Variants in L3MBTL4 observed in about 807,000 individuals in gnomAD.
The protein encoded by L3MBTL4 is lethal(3)malignant brain tumor-like protein 4.
In L3MBTL4, 70 loss-of-function variants were observed where a neutral mutation model predicts 84.5. That is an observed-to-expected ratio of 0.83 (90% confidence interval 0.68 to 1.01). The LOEUF is 1.01. Ranked by LOEUF, L3MBTL4 falls within the 50% of genes least tolerant of loss-of-function variation. L3MBTL4 has a pLI of 0.00. For missense variants in L3MBTL4, 715 were observed against 754.8 expected (o/e 0.95, Z 0.62); for synonymous variants, 274 against 259.8 (o/e 1.05, Z -0.52).
At chr18:6,153,543 T>C (rs1425149819) in intron 13 of L3MBTL4, among the ~76,000 whole-genome samples, 1 of 152,196 alleles carries the variant, frequency 6.6e-6, no homozygotes, top group Admixed American at 6.5e-5. Flanking sequence ...TATATTGATT[T>C]TGTATCCTGC....
chr18:6,410,079 A>C (rs2055902379), intron 1 of L3MBTL4, among the ~76,000 whole-genome samples: 1 of 152,064 alleles, frequency 6.6e-6, no homozygotes, highest in Non-Finnish European at 1.5e-5. Context: ...CATCCTAACC[A>C]GTCTAAATAA....
intron 10 of L3MBTL4, among the ~76,000 whole-genome samples, chr18:6,226,672 TATA>T (rs746281009): frequency 7.2e-5 from 11 of 152,144 alleles, no homozygotes; most frequent in Non-Finnish European, 1.6e-4. Flanking sequence ...GGAAAAGTGA[TATA>T]ATAAAGTAGA....
intron 14 of L3MBTL4, among the ~76,000 whole-genome samples, chr18:6,136,235 C>A (rs1374701181): frequency 1.3e-5 from 2 of 152,122 alleles, no homozygotes; most frequent in Non-Finnish European, 2.9e-5. Context: ...AGGATACAGC[C>A]AAACCATATC....
intron 16 of L3MBTL4, among the ~76,000 whole-genome samples, chr18:6,015,115 G>A (rs1471444517): frequency 1.3e-5 from 2 of 152,072 alleles, no homozygotes; most frequent in Admixed American, 1.3e-4. Flanking sequence ...TTGTGAGTTA[G>A]GAGCTCAGGA....
chr18:6,178,289 C>A (rs1444874414), intron 12 of L3MBTL4, among the ~76,000 whole-genome samples: 1 of 152,110 alleles, frequency 6.6e-6, no homozygotes, highest in Non-Finnish European at 1.5e-5. Flanking sequence ...CTCCCCTCCC[C>A]AACAAGGGCT....
At chr18:6,214,105 A>C (rs777883042) in intron 11 of L3MBTL4, among the ~76,000 whole-genome samples, 5 of 152,258 alleles carry the variant, frequency 3.3e-5, no homozygotes, top group Non-Finnish European at 5.9e-5. Context: ...TTTTAAAAGC[A>C]TACTATGATG....
intron 13 of L3MBTL4, among the ~76,000 whole-genome samples, chr18:6,154,677 C>T (rs1460890329): frequency 6.6e-6 from 1 of 152,154 alleles, no homozygotes; most frequent in African/African-American, 2.4e-5. Context: ...CTGTACAGTT[C>T]AGTGATGGAG....
intron 16 of L3MBTL4, among the ~76,000 whole-genome samples, chr18:6,076,814 C>G (rs539085931): frequency 7.2e-5 from 11 of 151,984 alleles, no homozygotes; most frequent in African/African-American, 2.4e-4. Flanking sequence ...AGGTTTGGGA[C>G]CAAAAGAATA....
chr18:6,023,176 G>T (rs1447178272), intron 16 of L3MBTL4, among the ~76,000 whole-genome samples: 1 of 152,176 alleles, frequency 6.6e-6, no homozygotes, highest in Non-Finnish European at 1.5e-5. Context: ...GAGTTTAAAA[G>T]AAATCATTTA....
chr18:6,314,274 A>G (rs2050983865), intron 1 of L3MBTL4, among the ~76,000 whole-genome samples: 1 of 152,244 alleles, frequency 6.6e-6, no homozygotes, highest in African/African-American at 2.4e-5. Context: ...TACTCCCAGG[A>G]AGCCCCAAAT....
intron 16 of L3MBTL4, among the ~76,000 whole-genome samples, chr18:5,974,833 A>G (rs1229450847): frequency 6.6e-6 from 1 of 152,078 alleles, no homozygotes; most frequent in Non-Finnish European, 1.5e-5. Flanking sequence ...GCATGGTGAC[A>G]TGCACCTGTA....
chr18:6,070,447 C>G (rs1237304517), intron 16 of L3MBTL4, among the ~76,000 whole-genome samples: 1 of 151,144 alleles, frequency 6.6e-6, no homozygotes, highest in South Asian at 2.1e-4. Flanking sequence ...ATTCTATAAC[C>G]TGTAAAAATA....
chr18:6,109,031 T>C (rs1457886151), intron 14 of L3MBTL4, among the ~76,000 whole-genome samples: 2 of 152,180 alleles, frequency 1.3e-5, no homozygotes, highest in African/African-American at 4.8e-5. Flanking sequence ...ATGGCTGAAT[T>C]GAGACTTTCA....
At chr18:6,384,306 C>A (rs1473878733) in intron 1 of L3MBTL4, among the ~76,000 whole-genome samples, 1 of 152,042 alleles carries the variant, frequency 6.6e-6, no homozygotes, top group Non-Finnish European at 1.5e-5. Context: ...CACACACAAA[C>A]CATACATACA....
intron 16 of L3MBTL4, among the ~76,000 whole-genome samples, chr18:5,996,537 G>A (rs1228672575): frequency 6.6e-6 from 1 of 152,210 alleles, no homozygotes; most frequent in Admixed American, 6.5e-5. Context: ...TCTAGCAGCT[G>A]TGGCTATGGT....
intron 16 of L3MBTL4, among the ~76,000 whole-genome samples, chr18:5,986,707 G>A (rs567171440): frequency 6.6e-6 from 1 of 152,318 alleles, no homozygotes; most frequent in South Asian, 2.1e-4. Flanking sequence ...GGTTGGAACC[G>A]ATGCCAGTGA....
chr18:6,012,502 T>C (rs148323137), intron 16 of L3MBTL4, among the ~76,000 whole-genome samples: 367 of 152,250 alleles, frequency 2.4e-3, no homozygotes, highest in Middle Eastern at 0.014. Context: ...TTAGTGGTGA[T>C]GGCATGCCCT....
chr18:6,042,979 C>G (rs1413764847), intron 16 of L3MBTL4, among the ~76,000 whole-genome samples: 1 of 152,110 alleles, frequency 6.6e-6, no homozygotes, highest in East Asian at 1.9e-4. Context: ...CTCCAAATCC[C>G]AAACCTAATC....
chr18:6,335,570 T>C (rs2052290769), intron 1 of L3MBTL4, among the ~76,000 whole-genome samples: 1 of 152,214 alleles, frequency 6.6e-6, no homozygotes, highest in Non-Finnish European at 1.5e-5. Context: ...CCAACAGCTG[T>C]GATATGGTTT....
Sources: allele counts gnomAD v4.1 joint callset (sites outside exome capture counted in the v4.1 genomes callset), GRCh38; gene constraint gnomAD v4.1.1; transcripts MANE v1.5; gene names NCBI Gene and HGNC (gene_info 2026-07-23, HGNC 2026-07-21).